DCLK1: variants seen among roughly 807,000 people sequenced by gnomAD.
DCLK1 encodes the protein doublecortin like kinase 1, also known as serine/threonine-protein kinase DCLK1.
DCLK1 carries 16 observed loss-of-function variants against 86.2 expected under a neutral mutation model. The ratio of observed to expected loss-of-function variants is 0.19; its 90% CI spans 0.13 to 0.28. DCLK1 has a LOEUF of 0.28. Ranked by LOEUF, DCLK1 falls within the 10% of genes least tolerant of loss-of-function variation. DCLK1 has a pLI of 1.00. For synonymous variants in DCLK1, 369 were observed against 370.5 expected (o/e 1.00, Z 0.05); for missense variants, 590 against 940.2 (o/e 0.63, Z 4.87).
intron 3 of DCLK1, among the ~76,000 whole-genome samples, chr13:35,978,580 C>A (rs1166068257): frequency 2.0e-5 from 3 of 152,174 alleles, no homozygotes; most frequent in East Asian, 3.9e-4. Context: ...TCACTCAATA[C>A]TAGATTACAA....
chr13:35,879,740 T>G (rs528025157), intron 4 of DCLK1, among the ~76,000 whole-genome samples: 1 of 152,314 alleles, frequency 6.6e-6, no homozygotes, highest in Non-Finnish European at 1.5e-5. Context: ...CATGAAAAGC[T>G]GATCTGTTCC....
Position 35,774,362 on chromosome 13 carries a change from C to T in DCLK1, c.*173G>A, listed in dbSNP as rs2086384610. Reference sequence around the variant, plus strand: ...TACCATCTTCACAATCACCACGTGTCATCTTATTCAGTAAAGGGAAACCGC... The same window carrying T: ...TACCATCTTCACAATCACCACGTGTTATCTTATTCAGTAAAGGGAAACCGC... On this transcript the variant is annotated 3_prime_UTR_variant, in exon 17 of 17. Coordinates refer to ENST00000360631, the MANE Select transcript of DCLK1 (RefSeq NM_001330071.2). 4 of 819,100 alleles carry T rather than the reference C, an allele frequency of 4.9e-6. No individual in the cohort carries two copies. Among genetic ancestry groups the T allele is most frequent in the Admixed American group, 5.9e-5 (2 of 33,942 alleles). 50.7% of individuals were successfully genotyped at this position (819,100 alleles called of 1,614,324 possible). A position where few individuals can be genotyped will look rare whatever the true frequency, so the allele number is the denominator to read the frequency against.
intron 3 of DCLK1, among the ~76,000 whole-genome samples, chr13:35,979,375 C>T (rs1303659954): frequency 1.3e-5 from 2 of 152,194 alleles, no homozygotes; most frequent in Non-Finnish European, 2.9e-5. Context: ...AGAACTGAGA[C>T]AGCCAGAAAG....
At chr13:36,064,958 T>C (rs1883696017) in intron 3 of DCLK1, among the ~76,000 whole-genome samples, 1 of 152,210 alleles carries the variant, frequency 6.6e-6, no homozygotes, top group African/African-American at 2.4e-5. Flanking sequence ...ACCATATTCC[T>C]AAACAATGCT....
At chr13:35,861,946 G>A in intron 5 of DCLK1, among the ~76,000 whole-genome samples, 1 of 148,560 alleles carries the variant, frequency 6.7e-6, no homozygotes, top group East Asian at 2.0e-4. Flanking sequence ...GCGGGAGAAT[G>A]GCATGAACCC....
intron 5 of DCLK1, among the ~76,000 whole-genome samples, chr13:35,856,106 ATTTGTAGTTTTGCT>A (rs1369015247): frequency 6.6e-6 from 1 of 152,208 alleles, no homozygotes; most frequent in Non-Finnish European, 1.5e-5. Flanking sequence ...TGCTGCATTA[ATTTGTAGTTTTGCT>A]TTTGAAATGT....
chr13:35,964,628 C>T (rs1005984695), intron 3 of DCLK1, among the ~76,000 whole-genome samples: 17 of 152,102 alleles, frequency 1.1e-4, no homozygotes, highest in African/African-American at 3.9e-4. Context: ...TTGCTTGCAT[C>T]CAAGTTTTCC....
intron 11 of DCLK1, among the ~76,000 whole-genome samples, chr13:35,815,298 C>T (rs1273308909): frequency 6.6e-6 from 1 of 152,122 alleles, no homozygotes; most frequent in Non-Finnish European, 1.5e-5. Context: ...TCATAAAATG[C>T]AGCTGGTGGC....
At chr13:36,111,832 C>A (rs1333790835) in intron 3 of DCLK1, 37 bp downstream of exon 3, 2 of 1,570,532 alleles carry the variant, frequency 1.3e-6, no homozygotes, top group South Asian at 1.1e-5. Flanking sequence ...CTGGTTCTTG[C>A]CTTAAAGTCA....
intron 3 of DCLK1, among the ~76,000 whole-genome samples, chr13:36,090,169 G>A (rs1016168360): frequency 6.6e-6 from 1 of 152,158 alleles, no homozygotes; most frequent in African/African-American, 2.4e-5. Flanking sequence ...GACATTTATT[G>A]TTCTGGCAAA....
chr13:35,946,342 A>G (rs897963546), intron 4 of DCLK1, among the ~76,000 whole-genome samples: 9 of 152,202 alleles, frequency 5.9e-5, no homozygotes, highest in Admixed American at 1.3e-4. Flanking sequence ...TAGTTCCTAA[A>G]TGCATACAAC....
At chr13:35,895,657 G>C (rs1344420279) in intron 4 of DCLK1, among the ~76,000 whole-genome samples, 1 of 151,770 alleles carries the variant, frequency 6.6e-6, no homozygotes, top group Non-Finnish European at 1.5e-5. Context: ...AGATTTTAGA[G>C]AGGAACACAA....
intron 4 of DCLK1, among the ~76,000 whole-genome samples, chr13:35,924,931 T>C (rs984659507): frequency 6.6e-6 from 1 of 152,166 alleles, no homozygotes. Flanking sequence ...ATGAGAATAG[T>C]AGAGCTGAGT....
At chr13:35,940,955 T>C (rs972144318) in intron 4 of DCLK1, among the ~76,000 whole-genome samples, 1 of 152,176 alleles carries the variant, frequency 6.6e-6, no homozygotes, top group African/African-American at 2.4e-5. Flanking sequence ...CATCGTTCAC[T>C]GGGTAATAAG....
chr13:35,832,599 G>A (rs1260094443), intron 8 of DCLK1, among the ~76,000 whole-genome samples: 1 of 152,150 alleles, frequency 6.6e-6, no homozygotes, highest in East Asian at 1.9e-4. Flanking sequence ...AACTCCAGAG[G>A]ATGGTGGCAG....
intron 10 of DCLK1, 45 bp downstream of exon 10, chr13:35,827,590 T>C: frequency 6.2e-7 from 1 of 1,609,964 alleles, no homozygotes; most frequent in Non-Finnish European, 8.5e-7. Context: ...TATAGGCAAG[T>C]GCGGTGCCAT....
chr13:36,084,482 A>G (rs1566674622), intron 3 of DCLK1, among the ~76,000 whole-genome samples: 1 of 152,238 alleles, frequency 6.6e-6, no homozygotes, highest in Non-Finnish European at 1.5e-5. Context: ...AAGTTTGGGA[A>G]GTCTTGTTGA....
intron 4 of DCLK1, among the ~76,000 whole-genome samples, chr13:35,912,162 T>A (rs992961296): frequency 6.6e-5 from 10 of 152,150 alleles, no homozygotes; most frequent in African/African-American, 2.4e-4. Context: ...GTCCTCAGCA[T>A]AGAGTTTGGC....
intron 4 of DCLK1, among the ~76,000 whole-genome samples, chr13:35,892,306 C>A (rs975668997): frequency 2.0e-5 from 3 of 152,134 alleles, no homozygotes; most frequent in Admixed American, 6.5e-5. Flanking sequence ...TGCATTATTC[C>A]CAACAGCTTT....
Sources: gnomAD v4.1 joint callset for allele counts (sites outside exome capture counted in the v4.1 genomes callset) on GRCh38, gnomAD v4.1.1 for gene constraint, MANE v1.5 for transcripts, NCBI Gene and HGNC (gene_info 2026-07-23, HGNC 2026-07-21) for gene names.